The following FOXN3 variants were observed in gnomAD, a reference collection of about 807,000 sequenced individuals.
FOXN3 encodes the protein forkhead box protein N3.
A neutral mutation model predicts 38.4 loss-of-function variants in FOXN3; 7 were observed. That is an observed-to-expected ratio of 0.18 (90% confidence interval 0.10 to 0.34). The LOEUF (loss-of-function observed/expected upper bound fraction) is 0.34. FOXN3 is among the 10% of genes least tolerant of loss of function. The probability of loss-of-function intolerance (pLI) is 1.00; values close to 1 mark genes in which losing one functional copy is unlikely to be tolerated. For synonymous variants in FOXN3, 230 were observed against 242.2 expected (o/e 0.95, Z 0.47); for missense variants, 456 against 613.4 (o/e 0.74, Z 2.71).
At chr14:89,310,329 C>A (rs1887498950) in intron 3 of FOXN3, among the ~76,000 whole-genome samples, 1 of 152,154 alleles carries the variant, frequency 6.6e-6, no homozygotes, top group South Asian at 2.1e-4. Context: ...TGCCTAAGAA[C>A]CAAGCCAACA....
intron 4 of FOXN3, among the ~76,000 whole-genome samples, chr14:89,275,961 C>T (rs963034784): frequency 6.6e-6 from 1 of 152,160 alleles, no homozygotes; most frequent in Non-Finnish European, 1.5e-5. Context: ...ATTACATTAG[C>T]TCGTCCAGTG....
chr14:89,432,472 G>T (rs189133756), intron 1 of FOXN3, among the ~76,000 whole-genome samples: 1 of 152,052 alleles, frequency 6.6e-6, no homozygotes, highest in South Asian at 2.1e-4. Flanking sequence ...GCCAGGCACC[G>T]TGCCAAGAGC....
chr14:89,246,578 T>TTGCC (rs1373774844), intron 4 of FOXN3, among the ~76,000 whole-genome samples: 3 of 126,848 alleles, frequency 2.4e-5, no homozygotes, highest in Non-Finnish European at 4.8e-5. Context: ...TCTCACTCTG[T>TTGCC]TGCCAGGCTG....
At position 89,439,789 on chromosome 14, in the gene FOXN3, G is replaced by A. The variant is rs533487077; in HGVS notation, c.-14-27299C>T. 5.3e-5 allele frequency among the ~76,000 whole-genome samples: 8 copies of A among 151,404 alleles called. No individual in the cohort carries two copies. In the South Asian group the frequency reaches 1.7e-3, roughly 32 times the overall value. On this transcript the variant is annotated intron_variant, in intron 1 of 6. Coordinates refer to the FOXN3 transcript ENST00000345097. ...TCCTGCCTCAGCCTCCAAAGTAGCT[G>A]GGATTACAGGCGCCCGCCACCACGC... is the stretch of plus-strand genomic sequence containing the variant.
chr14:89,243,835 G>T (rs1364419550), intron 4 of FOXN3, among the ~76,000 whole-genome samples: 1 of 152,154 alleles, frequency 6.6e-6, no homozygotes, highest in Non-Finnish European at 1.5e-5. Context: ...AACTGAGAGG[G>T]AAGAATCTAA....
intron 1 of FOXN3, among the ~76,000 whole-genome samples, chr14:89,489,254 AAT>A (rs1893521705): frequency 6.6e-6 from 1 of 152,166 alleles, no homozygotes; most frequent in African/African-American, 2.4e-5. Flanking sequence ...TGGAAATTTA[AAT>A]AAGAAAATAG....
intron 2 of FOXN3, among the ~76,000 whole-genome samples, chr14:89,360,152 G>A (rs935015480): frequency 6.6e-6 from 1 of 152,032 alleles, no homozygotes; most frequent in Non-Finnish European, 1.5e-5. Context: ...TTGCGTTTCT[G>A]CCCCCACTGC....
chr14:89,325,332 C>G (rs78800614), intron 3 of FOXN3, among the ~76,000 whole-genome samples: 85 of 135,820 alleles, frequency 6.3e-4, no homozygotes, highest in Admixed American at 2.9e-3. Flanking sequence ...CCACCACCAC[C>G]ACCACCACCA....
intron 1 of FOXN3, among the ~76,000 whole-genome samples, chr14:89,603,300 A>T (rs1325394732): frequency 6.6e-6 from 1 of 152,230 alleles, no homozygotes; most frequent in East Asian, 1.9e-4. Flanking sequence ...AAAACCTTAA[A>T]GAGTGGTATC....
intron 1 of FOXN3, among the ~76,000 whole-genome samples, chr14:89,550,164 T>C (rs1296477798): frequency 1.3e-5 from 2 of 152,154 alleles, no homozygotes; most frequent in Non-Finnish European, 2.9e-5. Context: ...CACCATGCTA[T>C]GAGACACAAA....
Position 89,609,799 on chromosome 14 carries a change from C to T in FOXN3, c.-15+9229G>A, listed in dbSNP as rs529138000. ...CGTAGTTTTTTTTGGAGGGAAGCAC[C>T]AGTAAGGGTTGTGGAGATGAACAGG... is the stretch of plus-strand genomic sequence containing the variant. On this transcript the variant is annotated intron_variant, in intron 1 of 6. Transcript: ENST00000345097. Among the ~76,000 whole-genome samples, 5 of 151,972 alleles carry T rather than the reference C, an allele frequency of 3.3e-5. No individual in the cohort carries two copies. In the East Asian group the frequency reaches 7.8e-4, roughly 24 times the overall value.
At position 89,449,357 on chromosome 14, in the gene FOXN3, T is replaced by G. The variant is rs76619384; in HGVS notation, c.-14-36867A>C. On this transcript the variant is annotated intron_variant, in intron 1 of 6. Transcript: ENST00000345097. ...GAGCTTCCCTTTGCCTTATATCCTC[T>G]TCTTATATTTACATACACATACCTA... 3.4e-3 allele frequency among the ~76,000 whole-genome samples: 516 copies of G among 152,346 alleles called. 1 individual carries two copies. Among genetic ancestry groups the G allele is most frequent in the Non-Finnish European group, 5.7e-3 (390 of 68,032 alleles).
intron 1 of FOXN3, among the ~76,000 whole-genome samples, chr14:89,532,268 G>A (rs952467359): frequency 2.0e-5 from 3 of 152,312 alleles, no homozygotes; most frequent in Non-Finnish European, 4.4e-5. Flanking sequence ...AGGAAGAAGC[G>A]TAGTTATGGA....
At chr14:89,478,986 C>T (rs1043187470) in intron 1 of FOXN3, among the ~76,000 whole-genome samples, 4 of 145,626 alleles carry the variant, frequency 2.7e-5, no homozygotes, top group Non-Finnish European at 6.0e-5. Context: ...ATATCCCTAC[C>T]CCTATTTTAC....
intron 1 of FOXN3, among the ~76,000 whole-genome samples, chr14:89,520,215 T>C (rs945588675): frequency 7.2e-5 from 11 of 151,840 alleles, no homozygotes; most frequent in African/African-American, 2.7e-4. Flanking sequence ...GGTTTCGCCA[T>C]GTTGTCCAGA....
intron 1 of FOXN3, among the ~76,000 whole-genome samples, chr14:89,476,835 T>C (rs1893221757): frequency 6.6e-6 from 1 of 152,162 alleles, no homozygotes; most frequent in Non-Finnish European, 1.5e-5. Context: ...TAACACGTGA[T>C]AATCTTCTTT....
At chr14:89,237,136 G>A (rs1246909258) in intron 4 of FOXN3, among the ~76,000 whole-genome samples, 1 of 150,518 alleles carries the variant, frequency 6.6e-6, no homozygotes, top group African/African-American at 2.4e-5. Context: ...TCATTTCAGG[G>A]AAAAAAAAAC....
intron 1 of FOXN3, among the ~76,000 whole-genome samples, chr14:89,547,890 T>G (rs1894916845): frequency 6.6e-6 from 1 of 152,180 alleles, no homozygotes; most frequent in Non-Finnish European, 1.5e-5. Flanking sequence ...GATTTAGCAA[T>G]TTGCCAGGAG....
intron 4 of FOXN3, among the ~76,000 whole-genome samples, chr14:89,232,506 G>A (rs1183130085): frequency 6.6e-6 from 1 of 152,160 alleles, no homozygotes; most frequent in African/African-American, 2.4e-5. Context: ...ATATAACAAA[G>A]GTCCTGATGC....
Sources: allele counts gnomAD v4.1 joint callset (sites outside exome capture counted in the v4.1 genomes callset), GRCh38; gene constraint gnomAD v4.1.1; transcripts MANE v1.5; gene names NCBI Gene and HGNC (gene_info 2026-07-23, HGNC 2026-07-21).